Variants in ARHGAP22 observed in about 807,000 individuals in gnomAD.
The protein encoded by ARHGAP22 is rho GTPase-activating protein 22.
ARHGAP22 carries 48 observed loss-of-function variants against 59.1 expected under a neutral mutation model. That is an observed-to-expected ratio of 0.81 (90% confidence interval 0.64 to 1.03). ARHGAP22 has a LOEUF of 1.03. Ranked by LOEUF, ARHGAP22 falls within the 50% of genes least tolerant of loss-of-function variation. ARHGAP22 has a pLI of 0.00. For synonymous variants in ARHGAP22, 445 were observed against 416.4 expected (o/e 1.07, Z -0.84); for missense variants, 1,015 against 958.7 (o/e 1.06, Z -0.78).
rs1402302374 is a variant in ARHGAP22, at chr10:48,625,043, G to T, written c.52+27191C>A. 3 of 151,826 alleles carry T rather than the reference G, an allele frequency of 2.0e-5. No homozygotes were observed. In the East Asian group the frequency reaches 5.8e-4, roughly 30 times the overall value. 9.4% of individuals were successfully genotyped at this position (151,826 alleles called of 1,614,324 possible). A position where few individuals can be genotyped will look rare whatever the true frequency, so the allele number is the denominator to read the frequency against. On this transcript the variant is annotated intron_variant, in intron 1 of 9. Transcript: ENST00000435790. The stretch of plus-strand genomic sequence containing the variant: ...TCTGCAGAGTCGTGTGCAGTACTTA[G>T]ATTTTGGGGCCCAAGAGACCTGAGT...
At chr10:48,479,101 G>T (rs1286966836) in intron 4 of ARHGAP22, 1 of 153,944 alleles carries the variant, frequency 6.5e-6, no homozygotes, top group Non-Finnish European at 1.4e-5. Flanking sequence ...TTCCTGACAT[G>T]CCTCGTGTTC....
intron 4 of ARHGAP22, among the ~76,000 whole-genome samples, chr10:48,464,619 G>A (rs2047474412): frequency 6.6e-6 from 1 of 152,208 alleles, no homozygotes; most frequent in South Asian, 2.1e-4. Context: ...TGGGGCTGAG[G>A]TGGGGACACG....
chr10:48,488,730 C>T (rs1391198177), intron 3 of ARHGAP22, among the ~76,000 whole-genome samples: 1 of 152,204 alleles, frequency 6.6e-6, no homozygotes, highest in African/African-American at 2.4e-5. Flanking sequence ...GGTGCTGTTG[C>T]CTCTGATCCT....
chr10:48,607,649 C>T (rs886785075), upstream of ARHGAP22, among the ~76,000 whole-genome samples: 1 of 152,212 alleles, frequency 6.6e-6, no homozygotes, highest in African/African-American at 2.4e-5. Context: ...CAGCCCTACT[C>T]TTCTCACTTA....
intron 2 of ARHGAP22, among the ~76,000 whole-genome samples, chr10:48,569,742 C>A (rs1337945257): frequency 1.3e-5 from 2 of 152,186 alleles, no homozygotes; most frequent in Non-Finnish European, 2.9e-5. Flanking sequence ...GGAAGAAACA[C>A]AAAAGTCATT....
intron 5 of ARHGAP22, among the ~76,000 whole-genome samples, chr10:48,456,949 G>A (rs896660773): frequency 6.6e-6 from 1 of 152,038 alleles, no homozygotes; most frequent in Non-Finnish European, 1.5e-5. Context: ...ACTCTGTACA[G>A]CCCGTGGTCC....
chr10:48,544,750 T>C (rs557190175), intron 3 of ARHGAP22, among the ~76,000 whole-genome samples: 191 of 152,336 alleles, frequency 1.3e-3, no homozygotes, highest in Non-Finnish European at 1.6e-3. Context: ...AGGAGGACAG[T>C]GAATGCTCGC....
intron 1 of ARHGAP22, among the ~76,000 whole-genome samples, chr10:48,597,219 A>T (rs781177322): frequency 1.3e-5 from 2 of 152,108 alleles, no homozygotes; most frequent in Admixed American, 6.5e-5. Context: ...TTTGAAGAGG[A>T]TGGGAACTCA....
At chr10:48,433,942 AT>A in the ARHGAP22 span, among the ~76,000 whole-genome samples, 1 of 152,206 alleles carries the variant, frequency 6.6e-6, no homozygotes, top group Non-Finnish European at 1.5e-5. Context: ...AGTAACTTGC[AT>A]TATTCCAATT....
At chr10:48,442,696 C>G (rs376713285), downstream of ARHGAP22, among the ~76,000 whole-genome samples, 143 of 152,272 alleles carry the variant, frequency 9.4e-4, 1 homozygote, top group African/African-American at 3.3e-3. Context: ...TTACCACAGA[C>G]CCTGCCCCTT....
At chr10:48,643,767 AT>A (rs200774929) in intron 1 of ARHGAP22, among the ~76,000 whole-genome samples, 101 of 129,284 alleles carry the variant, frequency 7.8e-4, no homozygotes, top group Admixed American at 1.3e-3. Context: ...AAAAAAAAAT[AT>A]ATATATATAT....
chr10:48,654,859 CT>C (rs1261369713), upstream of ARHGAP22, among the ~76,000 whole-genome samples: 1 of 135,448 alleles, frequency 7.4e-6, no homozygotes, highest in African/African-American at 2.9e-5. Context: ...TTTTCTTTCT[CT>C]TTCTTTCCTT....
At chr10:48,492,319 G>C (rs1022077410) in intron 3 of ARHGAP22, among the ~76,000 whole-genome samples, 1 of 151,994 alleles carries the variant, frequency 6.6e-6, no homozygotes, top group Non-Finnish European at 1.5e-5. Context: ...TGTATGATTT[G>C]TCACAGGGCC....
intron 3 of ARHGAP22, chr10:48,493,454 T>C (rs1239214755): frequency 1.3e-6 from 2 of 1,535,992 alleles, no homozygotes; most frequent in East Asian, 4.9e-5. Flanking sequence ...GGCATACGCC[T>C]GCTCCTCTTC....
In ARHGAP22 at chr10:48,446,423, C is replaced by T; in HGVS notation, c.2065G>A (p.Val689Ile). 6.2e-7 allele frequency: 1 copy of T among 1,614,208 alleles called. No homozygotes were observed. Among genetic ancestry groups the T allele is most frequent in the Non-Finnish European group, 8.5e-7 (1 of 1,180,028 alleles). Residue 689 changes from valine to isoleucine, a missense_variant, in exon 10 of 10, where the codon GTT becomes ATT. Coordinates refer to ENST00000249601, the MANE Select transcript of ARHGAP22 (RefSeq NM_021226.4). The stretch of plus-strand genomic sequence containing the variant: ...GGGGCCCTGGCACCTTTTGCCCCAA[C>T]AGTCAAGCTTCCTAGGGTCGAAAAA... Reference protein sequence around the residue: ...EFFSTLGSLTVGAKGARAPK With the variant: ...EFFSTLGSLTIGAKGARAPK
chr10:48,588,170 T>TG (rs2059541294), intron 1 of ARHGAP22, among the ~76,000 whole-genome samples: 1 of 151,696 alleles, frequency 6.6e-6, no homozygotes, highest in Admixed American at 6.6e-5. Flanking sequence ...GGAGCAGGTA[T>TG]GGGGGGCCAT....
At chr10:48,642,390 A>G (rs1250053428) in intron 1 of ARHGAP22, among the ~76,000 whole-genome samples, 1 of 152,236 alleles carries the variant, frequency 6.6e-6, no homozygotes, top group African/African-American at 2.4e-5. Context: ...CGAAACAGAG[A>G]TATAGACCAA....
At chr10:48,441,322 T>C (rs1040378863), downstream of ARHGAP22, among the ~76,000 whole-genome samples, 1 of 151,694 alleles carries the variant, frequency 6.6e-6, no homozygotes, top group Admixed American at 6.6e-5. Context: ...TTCAAGTGAG[T>C]GGAGAAGCAG....
At chr10:48,632,041 G>A (rs1565029645) in intron 1 of ARHGAP22, among the ~76,000 whole-genome samples, 2 of 152,108 alleles carry the variant, frequency 1.3e-5, no homozygotes, top group South Asian at 4.1e-4. Flanking sequence ...CTATAGTGGG[G>A]AATTCTGAGA....
Sources: gnomAD v4.1 joint callset for allele counts (sites outside exome capture counted in the v4.1 genomes callset) on GRCh38, gnomAD v4.1.1 for gene constraint, MANE v1.5 for transcripts, NCBI Gene and HGNC (gene_info 2026-07-23, HGNC 2026-07-21) for gene names.